Variants in GFOD1 observed in about 807,000 individuals in gnomAD.
GFOD1 encodes the protein Gfo/Idh/MocA-like oxidoreductase domain containing 1, also known as glucose-fructose oxidoreductase domain-containing protein 1.
A neutral mutation model predicts 25.4 loss-of-function variants in GFOD1; 9 were observed. The ratio of observed to expected loss-of-function variants is 0.35; its 90% CI spans 0.21 to 0.62. GFOD1 has a LOEUF of 0.62. Ranked by LOEUF, GFOD1 falls within the 20% of genes least tolerant of loss-of-function variation. The probability of loss-of-function intolerance (pLI) is 0.72; values close to 1 mark genes in which losing one functional copy is unlikely to be tolerated. For synonymous variants in GFOD1, 253 were observed against 245.6 expected (o/e 1.03, Z -0.28); for missense variants, 403 against 556.9 (o/e 0.72, Z 2.78).
chr6:13,455,485 TA>T (rs948619355), intron 1 of GFOD1, among the ~76,000 whole-genome samples: 6 of 152,116 alleles, frequency 3.9e-5, no homozygotes, highest in Non-Finnish European at 8.8e-5. Flanking sequence ...CAGGTTATTC[TA>T]AAGAGAAAAT....
chr6:13,405,618 C>A (rs1394877647), intron 1 of GFOD1, among the ~76,000 whole-genome samples: 1 of 152,134 alleles, frequency 6.6e-6, no homozygotes, highest in African/African-American at 2.4e-5. Context: ...AGGAAAAGAA[C>A]CTCTACATTA....
At chr6:13,379,350 C>G (rs1195516857) in intron 1 of GFOD1, among the ~76,000 whole-genome samples, 1 of 152,148 alleles carries the variant, frequency 6.6e-6, no homozygotes, top group Non-Finnish European at 1.5e-5. Flanking sequence ...TTCCCAGAAG[C>G]CTTTGCAGCA....
Position 13,368,448 on chromosome 6 carries a change from T to C in GFOD1, c.254-2786A>G, listed in dbSNP as rs941564689. ...CCTGTGTAACATTATGTTCTGACAA[T>C]ATGATCCCGTAGGCATAAGGCTCAT... On this transcript the variant is annotated intron_variant, in intron 1 of 1. Coordinates refer to ENST00000379287, the MANE Select transcript of GFOD1 (RefSeq NM_018988.4). Among the ~76,000 whole-genome samples the C allele has an allele frequency of 2.6e-5, 4 of 152,278 alleles. No individual in the cohort carries two copies. In the East Asian group the frequency reaches 7.7e-4, roughly 29 times the overall value.
intron 1 of GFOD1, among the ~76,000 whole-genome samples, chr6:13,483,931 C>A (rs1758810660): frequency 6.6e-6 from 1 of 152,222 alleles, no homozygotes; most frequent in Admixed American, 6.5e-5. Context: ...GCTTTATACA[C>A]AGCACTTACC....
Position 13,437,697 on chromosome 6 carries a change from T to C in GFOD1, c.253+48941A>G, listed in dbSNP as rs543232964. On this transcript the variant is annotated intron_variant, in intron 1 of 1. Coordinates refer to ENST00000379287, the MANE Select transcript of GFOD1 (RefSeq NM_018988.4). ...CTAGCAATCATGTAACAGATGGATG[T>C]GTATAGATATACAGCAATGCATACA... Among the ~76,000 whole-genome samples the C allele has an allele frequency of 3.9e-4, 59 of 152,322 alleles. 3 individuals are homozygous for C. The South Asian group carries it at 0.012, about 30-fold the overall frequency.
chr6:13,481,151 G>A (rs1758743482), intron 1 of GFOD1, among the ~76,000 whole-genome samples: 1 of 152,176 alleles, frequency 6.6e-6, no homozygotes, highest in Non-Finnish European at 1.5e-5. Flanking sequence ...TCACACACCA[G>A]GAAGAGTGTT....
intron 1 of GFOD1, among the ~76,000 whole-genome samples, chr6:13,390,780 A>AAAGGG (rs1785582213): frequency 8.5e-6 from 1 of 117,904 alleles, no homozygotes; most frequent in Non-Finnish European, 1.8e-5. Flanking sequence ...AGAGAGAGAG[A>AAAGGG]AAGGAAGGAA....
intron 1 of GFOD1, among the ~76,000 whole-genome samples, chr6:13,457,416 C>G (rs1402818767): frequency 6.6e-6 from 1 of 152,222 alleles, no homozygotes; most frequent in African/African-American, 2.4e-5. Flanking sequence ...GCACCAGGAG[C>G]ACCCAATATT....
Position 13,487,055 on chromosome 6 carries a change from A to C in GFOD1, c.-165T>G. ...GCGCCCGGGTGCCCAGAGCGCACCG[A>C]GCTGCAGGCGGAGCAAGCTCGGGGC... On this transcript the variant is annotated 5_prime_UTR_variant, in exon 1 of 2. Transcript: ENST00000379287. The surrounding 1 kb of genome is among the most constrained non-coding windows in gnomAD (Gnocchi z 4.9). 1 of 785,588 alleles carries C rather than the reference A, an allele frequency of 1.3e-6. No individual in the cohort carries two copies. The highest frequency in any genetic ancestry group is 1.8e-5 in the South Asian group (1 of 54,606). 48.7% of individuals were successfully genotyped at this position (785,588 alleles called of 1,614,324 possible). A position where few individuals can be genotyped will look rare whatever the true frequency, so the allele number is the denominator to read the frequency against.
intron 1 of GFOD1, among the ~76,000 whole-genome samples, chr6:13,476,641 C>T (rs1034259229): frequency 6.6e-6 from 1 of 152,158 alleles, no homozygotes; most frequent in African/African-American, 2.4e-5. Context: ...TGCAAACCAA[C>T]TTCATTGGAG....
chr6:13,405,893 A>T (rs774962035), intron 1 of GFOD1, among the ~76,000 whole-genome samples: 1 of 152,172 alleles, frequency 6.6e-6, no homozygotes, highest in Non-Finnish European at 1.5e-5. Flanking sequence ...CACTCCTGAG[A>T]GATACTCGCA....
intron 1 of GFOD1, among the ~76,000 whole-genome samples, chr6:13,483,388 C>T (rs907106505): frequency 9.2e-5 from 14 of 152,238 alleles, no homozygotes; most frequent in African/African-American, 2.9e-4. Flanking sequence ...CCCTTGGGTT[C>T]GGGAATGGCC....
Position 13,363,649 on chromosome 6 carries a change from T to A in GFOD1, c.*1094A>T, listed in dbSNP as rs562144019. ...TTCTAAATCCACAAAGCTGGATGAA[T>A]CTCCTAAAAGCTCTTGCCCAGCTTG... On this transcript the variant is annotated 3_prime_UTR_variant, in exon 2 of 2. Transcript: ENST00000379287. The A allele has an allele frequency of 1.4e-5, 2 of 138,666 alleles. No homozygotes were observed. Among genetic ancestry groups the A allele is most frequent in the East Asian group, 4.9e-4 (2 of 4,078 alleles). 8.6% of individuals were successfully genotyped at this position (138,666 alleles called of 1,614,324 possible).
At chr6:13,410,662 G>T (rs1234392530) in intron 1 of GFOD1, among the ~76,000 whole-genome samples, 1 of 151,820 alleles carries the variant, frequency 6.6e-6, no homozygotes, top group Non-Finnish European at 1.5e-5. Flanking sequence ...AAGAGAGGAA[G>T]AAAGGTGGAA....
chr6:13,360,729 T>C lies in GFOD1; in HGVS notation c.*4014A>G. The stretch of plus-strand genomic sequence containing the variant: ...CAGAACATCAGATGTTGCATCCTGC[T>C]GAACAGGAGGGTGCTGACAGCAGGC... On this transcript the variant is annotated 3_prime_UTR_variant, in exon 2 of 2. Coordinates refer to ENST00000379287, the MANE Select transcript of GFOD1 (RefSeq NM_018988.4). The C allele has an allele frequency of 2.2e-6, 1 of 456,792 alleles. No homozygotes were observed. Among genetic ancestry groups the C allele is most frequent in the South Asian group, 1.5e-5 (1 of 64,576 alleles). The allele number at this position is 456,792 out of a possible 1,614,324, so 28.3% of individuals were successfully genotyped here. A position where few individuals can be genotyped will look rare whatever the true frequency, so the allele number is the denominator to read the frequency against.
chr6:13,405,302 C>T (rs77080570), intron 1 of GFOD1, among the ~76,000 whole-genome samples: 1 of 152,258 alleles, frequency 6.6e-6, no homozygotes, highest in East Asian at 1.9e-4. Context: ...TTGCATAGTT[C>T]TACATTTTCT....
intron 1 of GFOD1, among the ~76,000 whole-genome samples, chr6:13,375,184 C>T (rs777420499): frequency 5.9e-5 from 9 of 152,208 alleles, no homozygotes; most frequent in Non-Finnish European, 1.3e-4. Flanking sequence ...TTCCTCCCAT[C>T]AAGTCGTACT....
At chr6:13,394,484 T>TTTG (rs1218852157) in intron 1 of GFOD1, among the ~76,000 whole-genome samples, 2 of 141,202 alleles carry the variant, frequency 1.4e-5, no homozygotes, top group Non-Finnish European at 3.1e-5. Context: ...TTTTTTTTTT[T>TTTG]TTTTTTTTGA....
chr6:13,365,443 T>C lies in GFOD1; in HGVS notation c.473A>G (p.Lys158Arg). Residue 158 changes from lysine to arginine, a missense_variant, in exon 2 of 2, where the codon AAG becomes AGG. Transcript: ENST00000379287. The surrounding 1 kb of genome is among the most constrained non-coding windows in gnomAD (Gnocchi z 9.2). ...VQVHGGSLLG[K>R]KYNWSCDDLM... ...GTCGTCGCAGCTCCAGTTGTACTTC[T>C]TGCCCAGCAGGCTGCCGCCGTGCAC... 1.9e-6 allele frequency: 3 copies of C among 1,613,872 alleles called. No homozygotes were observed. The highest frequency in any genetic ancestry group is 2.5e-6 in the Non-Finnish European group (3 of 1,179,994).
Sources: gnomAD v4.1 joint callset for allele counts (sites outside exome capture counted in the v4.1 genomes callset) on GRCh38, gnomAD v4.1.1 for gene constraint, Gnocchi (gnomAD v3.1) non-coding constraint, MANE v1.5 for transcripts, NCBI Gene and HGNC (gene_info 2026-07-23, HGNC 2026-07-21) for gene names.